The following WDR70 variants were observed in gnomAD, a reference collection of about 807,000 sequenced individuals.
WDR70 encodes the protein WD repeat domain 70, also known as WD repeat-containing protein 70.
A neutral mutation model predicts 88.6 loss-of-function variants in WDR70; 53 were observed. That is an observed-to-expected ratio of 0.60 (90% CI 0.48 to 0.75). The LOEUF (loss-of-function observed/expected upper bound fraction) is 0.75, where lower values mean the gene tolerates loss of function less well. Among genes scored for constraint, WDR70 ranks in the 30% least tolerant of loss-of-function variants. The pLI is 0.00. For missense variants in WDR70, 610 were observed against 823.2 expected (o/e 0.74, Z 3.17); for synonymous variants, 280 against 270.0 (o/e 1.04, Z -0.36).
intron 5 of WDR70, among the ~76,000 whole-genome samples, chr5:37,398,431 G>C (rs1404754339): frequency 1.3e-5 from 2 of 152,120 alleles, no homozygotes; most frequent in Non-Finnish European, 2.9e-5. Flanking sequence ...TTTATGTGAT[G>C]AATTATTTTT....
At chr5:37,586,745 T>A (rs1431745938) in intron 9 of WDR70, among the ~76,000 whole-genome samples, 1 of 152,164 alleles carries the variant, frequency 6.6e-6, no homozygotes. Context: ...CTAGCTCCTT[T>A]TCCTTTTTGC....
intron 5 of WDR70, among the ~76,000 whole-genome samples, chr5:37,435,335 T>A (rs1750435300): frequency 6.6e-6 from 1 of 152,196 alleles, no homozygotes; most frequent in African/African-American, 2.4e-5. Flanking sequence ...AAGTATTATC[T>A]TGGTTCTTGC....
intron 12 of WDR70, 129 bp downstream of exon 12, chr5:37,701,271 T>C (rs1747154037): frequency 3.3e-6 from 2 of 605,814 alleles, no homozygotes; most frequent in Admixed American, 6.6e-5. Flanking sequence ...GTGATCAAAA[T>C]CTGTTTTTTG....
intron 5 of WDR70, among the ~76,000 whole-genome samples, chr5:37,408,797 A>G (rs774330045): frequency 1.3e-5 from 2 of 152,034 alleles, no homozygotes; most frequent in Non-Finnish European, 2.9e-5. Flanking sequence ...TATATATAGC[A>G]TGTGTGCTTA....
chr5:37,477,088 G>T (rs1327291802), intron 7 of WDR70, among the ~76,000 whole-genome samples: 1 of 152,102 alleles, frequency 6.6e-6, no homozygotes, highest in East Asian at 1.9e-4. Flanking sequence ...CCATTCAGGT[G>T]GTATTGTTAT....
intron 8 of WDR70, among the ~76,000 whole-genome samples, chr5:37,503,752 T>TA (rs35716350): frequency 0.6 from 90,206 of 150,826 alleles, 28,217 homozygotes; most frequent in Non-Finnish European, 0.69. Flanking sequence ...CTGAGTTTTG[T>TA]TTTTTTTTTC....
chr5:37,738,363 C>A (rs1427636897), intron 17 of WDR70, among the ~76,000 whole-genome samples: 2 of 152,136 alleles, frequency 1.3e-5, no homozygotes, highest in African/African-American at 2.4e-5. Flanking sequence ...GCTCTGTTAC[C>A]CTGGAGCTCA....
intron 10 of WDR70, among the ~76,000 whole-genome samples, chr5:37,659,073 C>A (rs549373458): frequency 6.6e-6 from 1 of 152,124 alleles, no homozygotes; most frequent in South Asian, 2.1e-4. Context: ...GTACACAATT[C>A]ATTCTATTGT....
chr5:37,422,487 TA>T (rs1360868803), intron 5 of WDR70, among the ~76,000 whole-genome samples: 3 of 151,814 alleles, frequency 2.0e-5, no homozygotes, highest in East Asian at 1.9e-4. Flanking sequence ...TTTATTTATA[TA>T]TATTTTTTAG....
At chr5:37,432,340 G>C (rs1280929877) in intron 5 of WDR70, among the ~76,000 whole-genome samples, 2 of 152,050 alleles carry the variant, frequency 1.3e-5, no homozygotes, top group African/African-American at 4.8e-5. Flanking sequence ...TGTGCTTATT[G>C]GCCATTTGTT....
At chr5:37,679,223 C>T (rs1419986192) in intron 10 of WDR70, among the ~76,000 whole-genome samples, 1 of 152,232 alleles carries the variant, frequency 6.6e-6, no homozygotes, top group African/African-American at 2.4e-5. Flanking sequence ...AAGCCTTCTT[C>T]TCTCAACTCG....
rs540092398 is a variant in WDR70, at chr5:37,407,449, G to T, written c.492+10879G>T. ...TAAGGCAGGAGGATCACCTGAGCCT[G>T]GGAGGCGGAGGTTGCAACGAGCTAA... On this transcript the variant is annotated intron_variant, in intron 5 of 17. Transcript: ENST00000265107. Among the ~76,000 whole-genome samples the T allele has an allele frequency of 5.9e-5, 9 of 152,116 alleles. No homozygotes were observed. In the South Asian group the frequency reaches 1.9e-3, roughly 32 times the overall value.
Position 37,470,484 on chromosome 5 carries a change from G to C in WDR70, c.687-9350G>C, listed in dbSNP as rs141519127. Among the ~76,000 whole-genome samples the C allele has an allele frequency of 5.9e-3, 905 of 152,228 alleles. 8 individuals carry two copies. Among genetic ancestry groups the C allele is most frequent in the Middle Eastern group, 0.017 (5 of 294 alleles). ...AGAGTGTTACCAGCACCAGAAACTT[G>C]TTTACCAGATATTACCCACAACCTT... is the stretch of plus-strand genomic sequence containing the variant. On this transcript the variant is annotated intron_variant, in intron 7 of 17. Transcript: ENST00000265107.
At chr5:37,721,938 T>A (rs1383676919) in intron 14 of WDR70, 1 of 152,082 alleles carries the variant, frequency 6.6e-6, no homozygotes, top group Non-Finnish European at 1.5e-5. Flanking sequence ...TTTACTGGGG[T>A]CCCATATAAA....
chr5:37,717,191 A>T (rs972323043), intron 13 of WDR70, among the ~76,000 whole-genome samples: 6 of 152,262 alleles, frequency 3.9e-5, no homozygotes, highest in Admixed American at 2.6e-4. Flanking sequence ...TGGCAGCTAG[A>T]GGAAGCCATT....
At chr5:37,621,071 T>C (rs1744493007) in intron 10 of WDR70, among the ~76,000 whole-genome samples, 1 of 152,052 alleles carries the variant, frequency 6.6e-6, no homozygotes, top group Non-Finnish European at 1.5e-5. Flanking sequence ...TTTACCAGAT[T>C]GTTGGTATCT....
intron 10 of WDR70, among the ~76,000 whole-genome samples, chr5:37,678,719 C>T (rs1024573599): frequency 1.3e-5 from 2 of 152,102 alleles, no homozygotes; most frequent in Non-Finnish European, 2.9e-5. Context: ...CTTGGAGTTG[C>T]TCTTCTCGAG....
intron 7 of WDR70, among the ~76,000 whole-genome samples, chr5:37,452,561 C>T (rs4470784): frequency 0.87 from 131,937 of 152,238 alleles, 60,238 homozygotes; most frequent in East Asian, 1. Flanking sequence ...CCACCATGCC[C>T]CTGCCTGACA....
chr5:37,504,980 A>G (rs951884635), intron 8 of WDR70, among the ~76,000 whole-genome samples: 1 of 152,230 alleles, frequency 6.6e-6, no homozygotes, highest in African/African-American at 2.4e-5. Context: ...ATTTGTTTTA[A>G]AAAAACCCAA....
Sources: gnomAD v4.1 joint callset for allele counts (sites outside exome capture counted in the v4.1 genomes callset) on GRCh38, gnomAD v4.1.1 for gene constraint, MANE v1.5 for transcripts, NCBI Gene and HGNC (gene_info 2026-07-23, HGNC 2026-07-21) for gene names.